Variants in WSCD2 observed in about 807,000 individuals in gnomAD.
WSCD2 encodes the protein sialate:O-sulfotransferase 2.
WSCD2 carries 28 observed loss-of-function variants against 55.7 expected under a neutral mutation model. The ratio of observed to expected loss-of-function variants is 0.50; its 90% CI spans 0.37 to 0.69. The LOEUF (loss-of-function observed/expected upper bound fraction) is 0.69, where lower values mean the gene tolerates loss of function less well. Ranked by LOEUF, WSCD2 falls within the 30% of genes least tolerant of loss-of-function variation. The pLI, the probability that WSCD2 is intolerant of heterozygous loss-of-function variation, is 0.00. For missense variants in WSCD2, 616 were observed against 762.1 expected, an observed-to-expected ratio of 0.81 and a Z score of 2.26; for synonymous variants, 301 against 301.9, an observed-to-expected ratio of 1.00 and a Z score of 0.03.
chr12:108,159,772 G>A (rs1254274381), intron 1 of WSCD2, among the ~76,000 whole-genome samples: 1 of 152,192 alleles, frequency 6.6e-6, no homozygotes, highest in Non-Finnish European at 1.5e-5. Context: ...AGCCCCTGCA[G>A]CATCTCTTGC....
chr12:108,228,193 G>A (rs1212298908), intron 6 of WSCD2, among the ~76,000 whole-genome samples: 2 of 152,106 alleles, frequency 1.3e-5, no homozygotes, highest in African/African-American at 4.8e-5. Flanking sequence ...GGGATTGGGG[G>A]GCATCCCTTG....
chr12:108,240,528 C>T lies in WSCD2; in HGVS notation c.1329C>T (p.Ala443=). ...YGGHIGFAAH[A]HWKGKEWPEF... ...GCCACATAGGCTTTGCTGCGCATGC[C>T]CACTGGAAGGGCAAAGGTACAGCTC... Residue 443 remains alanine (A), a synonymous_variant, in exon 8 of 9, where the codon GCC becomes GCT. Transcript: ENST00000547525. 1 of 1,610,952 alleles carries T rather than the reference C, an allele frequency of 6.2e-7. No individual in the cohort carries two copies. Among genetic ancestry groups the T allele is most frequent in the South Asian group, 1.1e-5 (1 of 91,056 alleles).
intron 3 of WSCD2, 56 bp downstream of exon 3, chr12:108,206,459 C>T (rs868731502): frequency 8.5e-5 from 132 of 1,560,112 alleles, no homozygotes; most frequent in Admixed American, 7.8e-4. Context: ...CTCAGATTCC[C>T]ACCTGTGGTA....
chr12:108,138,093 C>T (rs1028960596), intron 1 of WSCD2, among the ~76,000 whole-genome samples: 1 of 152,182 alleles, frequency 6.6e-6, no homozygotes, highest in African/African-American at 2.4e-5. Flanking sequence ...AGGAACAGCA[C>T]CACAGCCTGT....
In WSCD2 at chr12:108,144,874, G is replaced by A. The variant is rs199632005; in HGVS notation, c.-552+14948G>A. On this transcript the variant is annotated intron_variant, in intron 1 of 8. Transcript: ENST00000547525. Reference sequence around the variant, plus strand: ...TTCACAGATGAGGAAACTCTGAGAGGCAAAGAGACCTGCCTAAGCTCGCAC... The same window carrying A: ...TTCACAGATGAGGAAACTCTGAGAGACAAAGAGACCTGCCTAAGCTCGCAC... Among the ~76,000 whole-genome samples, 309 of 152,282 alleles carry A rather than the reference G, an allele frequency of 2.0e-3. 1 individual carries two copies. Among genetic ancestry groups the A allele is most frequent in the African/African-American group, 7.1e-3 (296 of 41,554 alleles).
At chr12:108,199,642 T>C (rs1421894086) in intron 2 of WSCD2, among the ~76,000 whole-genome samples, 1 of 152,270 alleles carries the variant, frequency 6.6e-6, no homozygotes, top group African/African-American at 2.4e-5. Context: ...GCATGTGCTC[T>C]CTAAGTGCCA....
chr12:108,139,208 A>G (rs963207475), intron 1 of WSCD2, among the ~76,000 whole-genome samples: 2 of 152,214 alleles, frequency 1.3e-5, no homozygotes, highest in African/African-American at 2.4e-5. Context: ...TTCCTTAGGC[A>G]TTGGAGGTCT....
intron 1 of WSCD2, among the ~76,000 whole-genome samples, chr12:108,192,818 C>T (rs1297038183): frequency 1.3e-5 from 2 of 152,192 alleles, no homozygotes; most frequent in Non-Finnish European, 2.9e-5. Flanking sequence ...ATGGTTCCCC[C>T]AGGCAGTTGC....
At chr12:108,162,134 C>G (rs1056879922) in intron 1 of WSCD2, among the ~76,000 whole-genome samples, 6 of 152,178 alleles carry the variant, frequency 3.9e-5, no homozygotes, top group African/African-American at 7.2e-5. Flanking sequence ...CCCTTGGCCA[C>G]AGAATACTGG....
At chr12:108,175,596 C>A (rs1370396626) in intron 1 of WSCD2, among the ~76,000 whole-genome samples, 3 of 152,304 alleles carry the variant, frequency 2.0e-5, no homozygotes, top group African/African-American at 7.2e-5. Context: ...GCAAAAATAA[C>A]CCCAGTGTTA....
intron 1 of WSCD2, among the ~76,000 whole-genome samples, chr12:108,161,453 T>G (rs1488017998): frequency 6.6e-6 from 1 of 152,076 alleles, no homozygotes; most frequent in Non-Finnish European, 1.5e-5. Flanking sequence ...AGAAAGGACA[T>G]GGGAACAGGA....
intron 1 of WSCD2, among the ~76,000 whole-genome samples, chr12:108,146,030 G>C (rs1036220459): frequency 6.6e-6 from 1 of 152,198 alleles, no homozygotes; most frequent in African/African-American, 2.4e-5. Flanking sequence ...GGAGAAGGAG[G>C]GGGGCATGTC....
chr12:108,182,777 A>T (rs1235758034), intron 1 of WSCD2, among the ~76,000 whole-genome samples: 2 of 152,214 alleles, frequency 1.3e-5, no homozygotes, highest in East Asian at 3.8e-4. Flanking sequence ...TTAAGAACAA[A>T]AGGAGAGGCA....
intron 4 of WSCD2, among the ~76,000 whole-genome samples, chr12:108,219,035 G>A (rs1483154881): frequency 6.6e-6 from 1 of 152,138 alleles, no homozygotes; most frequent in East Asian, 1.9e-4. Flanking sequence ...CAAACCCCTG[G>A]TGGCATTGAG....
intron 3 of WSCD2, among the ~76,000 whole-genome samples, chr12:108,209,101 C>T (rs1885800296): frequency 6.6e-6 from 1 of 152,190 alleles, no homozygotes; most frequent in South Asian, 2.1e-4. Context: ...AAGCAATGCT[C>T]TTTTCATTTG....
intron 1 of WSCD2, among the ~76,000 whole-genome samples, chr12:108,192,567 C>T (rs1883321023): frequency 6.6e-6 from 1 of 152,194 alleles, no homozygotes; most frequent in African/African-American, 2.4e-5. Context: ...TTTTAGAACA[C>T]AGTCCCAACT....
At chr12:108,190,938 A>G (rs1454971983) in intron 1 of WSCD2, among the ~76,000 whole-genome samples, 1 of 152,186 alleles carries the variant, frequency 6.6e-6, no homozygotes, top group Non-Finnish European at 1.5e-5. Flanking sequence ...CACCTCTGGG[A>G]GGGGCATTCT....
intron 7 of WSCD2, among the ~76,000 whole-genome samples, chr12:108,233,296 A>T (rs1262179232): frequency 6.6e-6 from 1 of 152,218 alleles, no homozygotes; most frequent in East Asian, 1.9e-4. Context: ...GGGGACATTT[A>T]TTGAGCACCT....
At chr12:108,179,143 A>T (rs971871284) in intron 1 of WSCD2, among the ~76,000 whole-genome samples, 19 of 151,692 alleles carry the variant, frequency 1.3e-4, no homozygotes, top group African/African-American at 4.4e-4. Flanking sequence ...TTGTCTGGAT[A>T]GGAGGTTTTT....
Sources: gnomAD v4.1 joint callset for allele counts (sites outside exome capture counted in the v4.1 genomes callset) on GRCh38, gnomAD v4.1.1 for gene constraint, MANE v1.5 for transcripts, NCBI Gene and HGNC (gene_info 2026-07-23, HGNC 2026-07-21) for gene names.